The following CDK14 variants were observed in gnomAD, a reference collection of about 807,000 sequenced individuals.
CDK14 encodes the protein cyclin-dependent kinase 14.
Under a neutral mutation model 60.7 loss-of-function variants are expected in CDK14, and 34 were observed. The ratio of observed to expected loss-of-function variants is 0.56; its 90% CI spans 0.43 to 0.75. The LOEUF (loss-of-function observed/expected upper bound fraction) is 0.75, where lower values mean the gene tolerates loss of function less well. Among genes scored for constraint, CDK14 ranks in the 30% least tolerant of loss-of-function variants. The pLI is 0.00. For missense variants in CDK14, 482 were observed against 564.1 expected, an observed-to-expected ratio of 0.85 and a Z score of 1.47; for synonymous variants, 197 against 203.7, an observed-to-expected ratio of 0.97 and a Z score of 0.28.
At chr7:91,026,311 C>T (rs1290466760) in intron 10 of CDK14, among the ~76,000 whole-genome samples, 2 of 152,200 alleles carry the variant, frequency 1.3e-5, no homozygotes, top group African/African-American at 4.8e-5. Context: ...GGAGGCCATG[C>T]CGTGTCTACT....
chr7:90,737,052 G>A (rs918683370), intron 3 of CDK14, among the ~76,000 whole-genome samples: 2 of 152,172 alleles, frequency 1.3e-5, no homozygotes, highest in African/African-American at 4.8e-5. Flanking sequence ...TGTTTCAGAT[G>A]TATATTGAGT....
In CDK14 at chr7:91,026,200, A is replaced by T. The variant is rs187260530; in HGVS notation, c.1042-19697A>T. Among the ~76,000 whole-genome samples, 385 of 152,314 alleles carry T rather than the reference A, an allele frequency of 2.5e-3. 1 individual carries two copies. Among genetic ancestry groups the T allele is most frequent in the Non-Finnish European group, 4.6e-3 (311 of 68,024 alleles). On this transcript the variant is annotated intron_variant, in intron 10 of 14. Transcript: ENST00000380050. ...AGAAGAGCTGCCTTCTTGAGAGATC[A>T]GAGGAAGAGTAGAACAGAGGCACAG...
intron 5 of CDK14, among the ~76,000 whole-genome samples, chr7:90,835,404 A>G (rs1790060893): frequency 6.6e-6 from 1 of 152,156 alleles, no homozygotes; most frequent in South Asian, 2.1e-4. Flanking sequence ...AAGACTAGCC[A>G]GAGAGAACAG....
At chr7:91,075,542 C>G (rs931796116) in intron 11 of CDK14, among the ~76,000 whole-genome samples, 2 of 152,306 alleles carry the variant, frequency 1.3e-5, no homozygotes, top group African/African-American at 2.4e-5. Flanking sequence ...GAAGCATTCC[C>G]TTTGAAAACC....
intron 11 of CDK14, among the ~76,000 whole-genome samples, chr7:91,064,852 A>C (rs1292502122): frequency 6.6e-6 from 1 of 152,140 alleles, no homozygotes; most frequent in African/African-American, 2.4e-5. Flanking sequence ...GGGAGCTGTA[A>C]ATTTGTTCTT....
At chr7:90,609,896 T>A (rs888480576) in intron 2 of CDK14, among the ~76,000 whole-genome samples, 1 of 152,250 alleles carries the variant, frequency 6.6e-6, no homozygotes, top group Non-Finnish European at 1.5e-5. Context: ...ATGGATGATG[T>A]ATACGCTGTC....
intron 12 of CDK14, among the ~76,000 whole-genome samples, chr7:91,112,033 A>G (rs1023744320): frequency 7.9e-5 from 12 of 152,202 alleles, no homozygotes; most frequent in African/African-American, 2.7e-4. Context: ...ATGATAGTTG[A>G]TATTTGACAG....
chr7:91,034,945 T>TACACACACAC (rs35003949), intron 10 of CDK14, among the ~76,000 whole-genome samples: 1,867 of 146,070 alleles, frequency 0.013, 17 homozygotes, highest in East Asian at 0.071. Context: ...CACATACACA[T>TACACACACAC]ACACACACAC....
intron 2 of CDK14, among the ~76,000 whole-genome samples, chr7:90,682,746 T>C (rs1004983582): frequency 6.6e-6 from 1 of 152,194 alleles, no homozygotes; most frequent in African/African-American, 2.4e-5. Context: ...ATCTTTTTAG[T>C]CTCCTTTAAT....
At chr7:90,735,140 G>T (rs1482339563) in intron 3 of CDK14, among the ~76,000 whole-genome samples, 1 of 152,158 alleles carries the variant, frequency 6.6e-6, no homozygotes, top group Non-Finnish European at 1.5e-5. Flanking sequence ...ACGAGCAGAG[G>T]CTGCACAACA....
intron 4 of CDK14, among the ~76,000 whole-genome samples, chr7:90,759,417 A>G (rs1804225694): frequency 6.6e-6 from 1 of 152,238 alleles, no homozygotes. Context: ...TTGGTTAAGC[A>G]AAAGTGTTTT....
At chr7:90,868,551 T>C (rs1791263833) in intron 6 of CDK14, among the ~76,000 whole-genome samples, 1 of 152,100 alleles carries the variant, frequency 6.6e-6, no homozygotes, top group Non-Finnish European at 1.5e-5. Flanking sequence ...ATTTTGTTCC[T>C]ATTGTGCTAT....
At chr7:90,868,210 A>T (rs762070348) in intron 6 of CDK14, among the ~76,000 whole-genome samples, 1 of 151,832 alleles carries the variant, frequency 6.6e-6, no homozygotes, top group Non-Finnish European at 1.5e-5. Flanking sequence ...GGTAATAAAC[A>T]TATCCATTAC....
intron 14 of CDK14, among the ~76,000 whole-genome samples, chr7:91,160,200 A>G (rs1801125557): frequency 6.6e-6 from 1 of 152,182 alleles, no homozygotes; most frequent in Non-Finnish European, 1.5e-5. Flanking sequence ...ATAGGGAGAA[A>G]TGAATCATCT....
rs972373326 is a variant in CDK14, at chr7:90,899,291, C to A, written c.640C>A (p.His214Asn). ...ETLTLVFEYV[H>N]TDLCQYMDKH... ...ATACATTTTTCCTTTTCTTTTCTAG[C>A]ACACTGATTTATGTCAGTACATGGA... Residue 214 changes from histidine to asparagine, a missense_variant and splice_region_variant, in exon 7 of 15, where the codon CAC becomes AAC. His to Asn is a moderately conservative substitution (Grantham distance 68). Transcript: ENST00000380050. 1.9e-6 allele frequency: 3 copies of A among 1,598,952 alleles called. No homozygotes were observed. The African/African-American group carries it at 4.1e-5, about 22-fold the overall frequency.
At chr7:90,844,070 C>T (rs1790384899) in intron 5 of CDK14, among the ~76,000 whole-genome samples, 1 of 151,982 alleles carries the variant, frequency 6.6e-6, no homozygotes, top group African/African-American at 2.4e-5. Flanking sequence ...TTGGAGTGTC[C>T]TTGGTAACAG....
chr7:90,829,794 A>G (rs1275422237), intron 5 of CDK14, among the ~76,000 whole-genome samples: 1 of 152,138 alleles, frequency 6.6e-6, no homozygotes, highest in Non-Finnish European at 1.5e-5. Flanking sequence ...CGGCCTCCCA[A>G]AGTGCTGGGA....
intron 4 of CDK14, among the ~76,000 whole-genome samples, chr7:90,755,054 A>G (rs1482572166): frequency 6.6e-6 from 1 of 152,180 alleles, no homozygotes; most frequent in Non-Finnish European, 1.5e-5. Flanking sequence ...ATCAGTTTGG[A>G]GATTTCTCAA....
At chr7:91,016,316 C>T (rs1265840948) in intron 10 of CDK14, among the ~76,000 whole-genome samples, 2 of 151,752 alleles carry the variant, frequency 1.3e-5, no homozygotes, top group Non-Finnish European at 2.9e-5. Flanking sequence ...TCTCATTTTA[C>T]CATGATTTTT....
Sources: allele counts gnomAD v4.1 joint callset (sites outside exome capture counted in the v4.1 genomes callset), GRCh38; gene constraint gnomAD v4.1.1; transcripts MANE v1.5; gene names NCBI Gene and HGNC (gene_info 2026-07-23, HGNC 2026-07-21).